Variants in ACTR3C observed in about 807,000 individuals in gnomAD.
ACTR3C encodes actin related protein 3C, also known as actin-related protein 3C.
A neutral mutation model predicts 26.3 loss-of-function variants in ACTR3C; 18 were observed. That is an observed-to-expected ratio of 0.68 (90% CI 0.47 to 1.01). The LOEUF (loss-of-function observed/expected upper bound fraction) is 1.01, where lower values mean the gene tolerates loss of function less well. Among genes scored for constraint, ACTR3C ranks in the 50% least tolerant of loss-of-function variants. The pLI is 0.00. For missense variants in ACTR3C, 184 were observed against 250.7 expected (o/e 0.73, Z 1.80); for synonymous variants, 55 against 94.5 (o/e 0.58, Z 2.42).
chr7:150,069,806 AC>A, the ACTR3C span, among the ~76,000 whole-genome samples: 1 of 152,206 alleles, frequency 6.6e-6, no homozygotes, highest in South Asian at 2.1e-4. Context: ...TCAGGCTGGC[AC>A]GCTGGAAACA....
At chr7:150,209,780 G>C in the ACTR3C span, among the ~76,000 whole-genome samples, 14 of 150,234 alleles carry the variant, frequency 9.3e-5, no homozygotes, top group South Asian at 1.5e-3. Flanking sequence ...GCTGGGTGTG[G>C]TGGTGCATGC....
chr7:150,145,169 G>C, the ACTR3C span, among the ~76,000 whole-genome samples: 3 of 152,124 alleles, frequency 2.0e-5, no homozygotes, highest in African/African-American at 7.2e-5. Context: ...GAATATATAA[G>C]GGTGCTAACT....
At chr7:150,095,799 C>A in the ACTR3C span, among the ~76,000 whole-genome samples, 7 of 150,384 alleles carry the variant, frequency 4.7e-5, 1 homozygote, top group South Asian at 2.1e-4. Context: ...GAGTAATGAA[C>A]CTTATTAGTG....
chr7:149,893,218 T>C, the ACTR3C span, among the ~76,000 whole-genome samples: 1 of 152,286 alleles, frequency 6.6e-6, no homozygotes, highest in East Asian at 1.9e-4. Context: ...ATCTCCTCAC[T>C]TGAGGGCTTC....
the ACTR3C span, among the ~76,000 whole-genome samples, chr7:150,087,201 AAAAG>A: frequency 5.7e-5 from 8 of 140,382 alleles, no homozygotes; most frequent in Admixed American, 1.4e-4. Context: ...AAAAAAAAAA[AAAAG>A]AAACTTGAGG....
the ACTR3C span, among the ~76,000 whole-genome samples, chr7:150,007,612 G>A: frequency 1.1e-3 from 168 of 151,932 alleles, no homozygotes; most frequent in Middle Eastern, 3.4e-3. Flanking sequence ...TGCATTTCAC[G>A]TCGATTTCAT....
chr7:150,190,498 T>C, the ACTR3C span, among the ~76,000 whole-genome samples: 1 of 152,238 alleles, frequency 6.6e-6, no homozygotes, highest in African/African-American at 2.4e-5. Flanking sequence ...TTTCATAGAT[T>C]AAATTTACAC....
chr7:150,030,671 C>A, the ACTR3C span, among the ~76,000 whole-genome samples: 1 of 152,214 alleles, frequency 6.6e-6, no homozygotes, highest in Admixed American at 6.5e-5. Context: ...ATGAGACTCT[C>A]ACTTTCTTCG....
intron 2 of ACTR3C, among the ~76,000 whole-genome samples, chr7:150,294,706 T>G (rs531552006): frequency 6.6e-6 from 1 of 152,150 alleles, no homozygotes; most frequent in Non-Finnish European, 1.5e-5. Context: ...CAGAAAACAT[T>G]TGGGCAACAC....
chr7:150,259,378 C>T (rs1035875865), intron 6 of ACTR3C, among the ~76,000 whole-genome samples: 8 of 152,012 alleles, frequency 5.3e-5, no homozygotes, highest in Admixed American at 4.6e-4. Context: ...GAATTCAGGA[C>T]TAGATCTAAA....
At chr7:150,057,079 G>A in the ACTR3C span, among the ~76,000 whole-genome samples, 16 of 151,502 alleles carry the variant, frequency 1.1e-4, no homozygotes, top group South Asian at 3.2e-3. Flanking sequence ...AAATCCCTAG[G>A]ATAACTATCT....
chr7:150,087,182 TAAAAAAAAA>T, the ACTR3C span, among the ~76,000 whole-genome samples: 2 of 129,408 alleles, frequency 1.5e-5, no homozygotes, highest in South Asian at 2.4e-4. Flanking sequence ...TGAATTTGTT[TAAAAAAAAA>T]AAAAAAAAAA....
intron 1 of ACTR3C, among the ~76,000 whole-genome samples, chr7:150,297,851 CAAAAA>C (rs35970305): frequency 1.1e-5 from 1 of 87,156 alleles, no homozygotes; most frequent in East Asian, 3.2e-4. Flanking sequence ...GACTCCGTCT[CAAAAA>C]AAAAAAAAAA....
the ACTR3C span, among the ~76,000 whole-genome samples, chr7:149,990,399 G>A: frequency 1.5e-5 from 2 of 131,252 alleles, no homozygotes; most frequent in South Asian, 5.8e-4. Flanking sequence ...GCCCAGTGCA[G>A]GGACAGAGCA....
chr7:150,180,662 GC>G, the ACTR3C span, among the ~76,000 whole-genome samples: 1 of 148,728 alleles, frequency 6.7e-6, no homozygotes, highest in Non-Finnish European at 1.5e-5. Flanking sequence ...ACAGGCGCGC[GC>G]CACCACGCCT....
chr7:150,236,867 G>A, the ACTR3C span, among the ~76,000 whole-genome samples: 1 of 150,012 alleles, frequency 6.7e-6, no homozygotes, highest in Non-Finnish European at 1.5e-5. Flanking sequence ...AGTCTATTAG[G>A]TCTTTCCTGT....
intron 6 of ACTR3C, among the ~76,000 whole-genome samples, chr7:150,253,778 G>C (rs1584838999): frequency 6.6e-6 from 1 of 151,876 alleles, no homozygotes; most frequent in Non-Finnish European, 1.5e-5. Flanking sequence ...GATAATAATT[G>C]AAACAATATG....
chr7:150,011,802 C>T, the ACTR3C span, among the ~76,000 whole-genome samples: 22 of 152,226 alleles, frequency 1.4e-4, no homozygotes, highest in East Asian at 2.5e-3. Context: ...TTACTGTGTT[C>T]GTTCAGCAAA....
chr7:150,181,832 G>A, the ACTR3C span, among the ~76,000 whole-genome samples: 1,075 of 150,428 alleles, frequency 7.1e-3, 38 homozygotes, highest in East Asian at 0.038. Flanking sequence ...ACAAAATACT[G>A]AAATTGAGTA....
Sources: allele counts gnomAD v4.1 joint callset (sites outside exome capture counted in the v4.1 genomes callset), GRCh38; gene constraint gnomAD v4.1.1; transcripts MANE v1.5; gene names NCBI Gene and HGNC (gene_info 2026-07-23, HGNC 2026-07-21).